Variants in RBMS3 observed in about 807,000 individuals in gnomAD.
RBMS3 encodes the protein RNA binding motif single stranded interacting protein 3, also known as RNA-binding motif, single-stranded-interacting protein 3.
In RBMS3, 27 loss-of-function variants were observed where a neutral mutation model predicts 66.8. The ratio of observed to expected loss-of-function variants is 0.40; its 90% CI spans 0.30 to 0.56. The LOEUF is 0.56. Ranked by LOEUF, RBMS3 falls within the 20% of genes least tolerant of loss-of-function variation. The probability of loss-of-function intolerance (pLI) is 0.40; values close to 1 mark genes in which losing one functional copy is unlikely to be tolerated. For synonymous variants in RBMS3, 188 were observed against 183.0 expected, an observed-to-expected ratio of 1.03 and a Z score of -0.22; for missense variants, 513 against 549.5, an observed-to-expected ratio of 0.93 and a Z score of 0.66.
intron 3 of RBMS3, among the ~76,000 whole-genome samples, chr3:29,549,271 G>T (rs2046095834): frequency 6.6e-6 from 1 of 151,862 alleles, no homozygotes; most frequent in Non-Finnish European, 1.5e-5. Context: ...AAAATTTAGG[G>T]ATGAATAATA....
intron 2 of RBMS3, among the ~76,000 whole-genome samples, chr3:29,439,421 A>G (rs949067197): frequency 2.0e-4 from 30 of 152,040 alleles, no homozygotes; most frequent in African/African-American, 6.3e-4. Flanking sequence ...AGGGTGTGAG[A>G]AGTAATATTA....
At chr3:29,765,362 T>C (rs1433483093) in intron 6 of RBMS3, among the ~76,000 whole-genome samples, 1 of 151,978 alleles carries the variant, frequency 6.6e-6, no homozygotes, top group African/African-American at 2.4e-5. Flanking sequence ...GAGTAGGATA[T>C]CACTATGAGC....
At chr3:29,303,770 A>T (rs543874623) in intron 1 of RBMS3, among the ~76,000 whole-genome samples, 1 of 152,152 alleles carries the variant, frequency 6.6e-6, no homozygotes, top group South Asian at 2.1e-4. Context: ...ATAGCATATT[A>T]GTCCGTTTTC....
intron 3 of RBMS3, among the ~76,000 whole-genome samples, chr3:29,509,981 C>A (rs115334577): frequency 6.6e-6 from 1 of 151,970 alleles, no homozygotes; most frequent in Non-Finnish European, 1.5e-5. Flanking sequence ...ATGGTTATAG[C>A]ACAAAAAAAT....
At chr3:29,948,380 G>C (rs1695458065) in intron 12 of RBMS3, among the ~76,000 whole-genome samples, 1 of 151,732 alleles carries the variant, frequency 6.6e-6, no homozygotes, top group Admixed American at 6.6e-5. Context: ...AGATTTAATT[G>C]AAGCCTATTT....
intron 6 of RBMS3, among the ~76,000 whole-genome samples, chr3:29,848,731 A>C (rs2058852606): frequency 6.6e-6 from 1 of 152,208 alleles, no homozygotes; most frequent in Non-Finnish European, 1.5e-5. Flanking sequence ...ATTTTTAAAA[A>C]ATAAATATGT....
chr3:29,824,768 A>T lies in RBMS3; in HGVS notation c.638-44090A>T, dbSNP rs9848582. On this transcript the variant is annotated intron_variant, in intron 6 of 14. Coordinates refer to ENST00000383767, the MANE Select transcript of RBMS3 (RefSeq NM_001003793.3). ...TCCAATGAAATCTAGCTCAGAAACC[A>T]TACAAGAAAAAAGCACACTAATTTA... 3.6e-3 allele frequency among the ~76,000 whole-genome samples: 543 copies of T among 152,314 alleles called. 10 individuals carry two copies. Among genetic ancestry groups the T allele is most frequent in the African/African-American group, 0.013 (520 of 41,572 alleles).
chr3:29,957,134 G>A (rs910022061), intron 12 of RBMS3, among the ~76,000 whole-genome samples: 68 of 151,948 alleles, frequency 4.5e-4, no homozygotes, highest in African/African-American at 1.3e-3. Context: ...TCTTGTCTTA[G>A]AGTTTTCTCT....
intron 6 of RBMS3, among the ~76,000 whole-genome samples, chr3:29,817,832 G>A (rs2057957176): frequency 6.6e-6 from 1 of 151,900 alleles, no homozygotes; most frequent in African/African-American, 2.4e-5. Flanking sequence ...CAAGCAGAAG[G>A]AGCCATTGTA....
At chr3:29,956,713 A>G (rs910873454) in intron 12 of RBMS3, among the ~76,000 whole-genome samples, 1 of 152,108 alleles carries the variant, frequency 6.6e-6, no homozygotes, top group African/African-American at 2.4e-5. Flanking sequence ...GACTAGCACA[A>G]TATCCATCTA....
At chr3:29,995,348 T>A (rs1699151736) in intron 14 of RBMS3, among the ~76,000 whole-genome samples, 1 of 152,200 alleles carries the variant, frequency 6.6e-6, no homozygotes, top group South Asian at 2.1e-4. Flanking sequence ...CTGCAGGATA[T>A]TATCCAGGAG....
chr3:29,762,199 CA>C (rs1445508636), intron 5 of RBMS3, among the ~76,000 whole-genome samples: 1 of 152,030 alleles, frequency 6.6e-6, no homozygotes, highest in African/African-American at 2.4e-5. Context: ...GGATATTGTC[CA>C]AAATTCAATA....
chr3:29,796,712 C>CTTTTTTTT (rs71295051), intron 6 of RBMS3, among the ~76,000 whole-genome samples: 4 of 115,272 alleles, frequency 3.5e-5, no homozygotes, highest in Admixed American at 9.3e-5. Context: ...TGAAAGGAAT[C>CTTTTTTTT]TTTTTTTTTT....
rs1037975786 is a variant in RBMS3 at position 29,713,472 on chromosome 3, C to T, written c.400-26248C>T. Among the ~76,000 whole-genome samples, 4 of 152,250 alleles carry T rather than the reference C, an allele frequency of 2.6e-5. No homozygotes were observed. The South Asian group carries it at 6.2e-4, about 24-fold the overall frequency. The stretch of plus-strand genomic sequence containing the variant: ...TTCCTGGTTCTGTGAGTATGCCACT[C>T]ACCTGGCTGGCTACATCCTGTGCTG... On this transcript the variant is annotated intron_variant, in intron 4 of 14. Coordinates refer to ENST00000383767, the MANE Select transcript of RBMS3 (RefSeq NM_001003793.3).
intron 4 of RBMS3, among the ~76,000 whole-genome samples, chr3:29,640,776 G>C (rs1340170226): frequency 6.6e-6 from 1 of 151,800 alleles, no homozygotes; most frequent in Non-Finnish European, 1.5e-5. Flanking sequence ...AAACAGTATT[G>C]TATTTAACCC....
chr3:29,959,100 T>C (rs1221987327), intron 12 of RBMS3, among the ~76,000 whole-genome samples: 1 of 152,196 alleles, frequency 6.6e-6, no homozygotes, highest in Non-Finnish European at 1.5e-5. Context: ...ATACAAGTTT[T>C]GAACAAGATG....
chr3:29,853,630 T>C (rs1219340242), intron 6 of RBMS3, among the ~76,000 whole-genome samples: 1 of 152,062 alleles, frequency 6.6e-6, no homozygotes, highest in East Asian at 1.9e-4. Context: ...ATTAGCATTT[T>C]AATGAGCTCT....
intron 3 of RBMS3, among the ~76,000 whole-genome samples, chr3:29,561,040 G>A (rs940852129): frequency 1.5e-4 from 23 of 152,092 alleles, no homozygotes; most frequent in African/African-American, 4.8e-4. Flanking sequence ...GGCCTCCAGC[G>A]TCATCCATGT....
At chr3:29,892,342 G>A (rs563568977) in intron 8 of RBMS3, among the ~76,000 whole-genome samples, 1 of 151,646 alleles carries the variant, frequency 6.6e-6, no homozygotes. Flanking sequence ...CTTCAGCAAG[G>A]TGTCTCAATC....
Sources: gnomAD v4.1 joint callset for allele counts (sites outside exome capture counted in the v4.1 genomes callset) on GRCh38, gnomAD v4.1.1 for gene constraint, MANE v1.5 for transcripts, NCBI Gene and HGNC (gene_info 2026-07-23, HGNC 2026-07-21) for gene names.